DLC1: variants seen among roughly 807,000 people sequenced by gnomAD.
The protein encoded by DLC1 is rho GTPase-activating protein 7.
A neutral mutation model predicts 140.3 loss-of-function variants in DLC1; 54 were observed. The ratio of observed to expected loss-of-function variants is 0.38; its 90% CI spans 0.31 to 0.48. The LOEUF is 0.48. Ranked by LOEUF, DLC1 falls within the 20% of genes least tolerant of loss-of-function variation. DLC1 has a pLI of 0.96. For missense variants in DLC1, 2,536 were observed against 1,907.0 expected, an observed-to-expected ratio of 1.33 and a Z score of -6.14; for synonymous variants, 986 against 728.1, an observed-to-expected ratio of 1.35 and a Z score of -5.70.
chr8:13,408,928 A>G (rs1319100568), intron 2 of DLC1, among the ~76,000 whole-genome samples: 4 of 152,216 alleles, frequency 2.6e-5, no homozygotes, highest in Non-Finnish European at 5.9e-5. Context: ...GTTTTTAGGA[A>G]TATTATGATG....
intron 5 of DLC1, among the ~76,000 whole-genome samples, chr8:13,233,293 T>TA (rs71207134): frequency 0.016 from 1,151 of 70,196 alleles, 51 homozygotes; most frequent in Non-Finnish European, 0.017. Context: ...AGACTCTGTA[T>TA]AAAAAAAAAA....
At chr8:13,177,160 A>G (rs1373549236) in intron 5 of DLC1, among the ~76,000 whole-genome samples, 1 of 152,210 alleles carries the variant, frequency 6.6e-6, no homozygotes, top group Admixed American at 6.5e-5. Flanking sequence ...TTATGGGACA[A>G]TGATATACCA....
chr8:13,577,099 C>G (rs570782971), intron 1 of DLC1, among the ~76,000 whole-genome samples: 1 of 152,144 alleles, frequency 6.6e-6, no homozygotes, highest in South Asian at 2.1e-4. Context: ...CCATGGGGCA[C>G]CATTAATTCT....
intron 5 of DLC1, among the ~76,000 whole-genome samples, chr8:13,151,239 A>G (rs28672948): frequency 0.15 from 22,610 of 152,240 alleles, 1,802 homozygotes; most frequent in Non-Finnish European, 0.17. Flanking sequence ...CACTCTGTCA[A>G]TTTAATGAAT....
At chr8:13,507,261 A>G (rs1443841477) in intron 1 of DLC1, among the ~76,000 whole-genome samples, 1 of 152,166 alleles carries the variant, frequency 6.6e-6, no homozygotes, top group African/African-American at 2.4e-5. Context: ...TTTACGACCA[A>G]ACTGACTTGA....
Position 13,092,603 on chromosome 8 carries a change from A to T in DLC1, c.3740+9T>A. 6.2e-7 allele frequency: 1 copy of T among 1,613,674 alleles called. No homozygotes were observed. The highest frequency in any genetic ancestry group is 2.2e-5 in the East Asian group (1 of 44,868). ...CCCTGTGTGCATGCACCTCCCATGC[A>T]GCCCGTACCTGGGAGAGGAATTCTC... On this transcript the variant is annotated intron_variant, in intron 13 of 17. Coordinates refer to ENST00000276297, the MANE Select transcript of DLC1 (RefSeq NM_182643.3).
At chr8:13,306,583 TGA>T (rs58220489) in intron 4 of DLC1, among the ~76,000 whole-genome samples, 2,741 of 120,752 alleles carry the variant, frequency 0.023, 47 homozygotes, top group African/African-American at 0.058. Context: ...TGTGTGTGTG[TGA>T]GAGAGAGAGA....
chr8:13,347,467 G>A (rs1022971461), intron 4 of DLC1, among the ~76,000 whole-genome samples: 1 of 152,182 alleles, frequency 6.6e-6, no homozygotes. Flanking sequence ...CGGGGATGGG[G>A]CATGAGAGAG....
intron 5 of DLC1, among the ~76,000 whole-genome samples, chr8:13,239,661 C>T (rs1304804784): frequency 6.6e-6 from 1 of 152,142 alleles, no homozygotes; most frequent in Non-Finnish European, 1.5e-5. Context: ...CATACAGGGG[C>T]ACAGACCTCA....
Position 13,092,626 on chromosome 8 carries a change from C to G in DLC1, c.3726G>C (p.Glu1242Asp). 1 of 1,614,092 alleles carries G rather than the reference C, an allele frequency of 6.2e-7. No individual in the cohort carries two copies. The highest frequency in any genetic ancestry group is 8.5e-7 in the Non-Finnish European group (1 of 1,180,000). Reference protein sequence around the residue: ...SLFHLNTLKRENSSPRVMQRK... With the variant: ...SLFHLNTLKRDNSSPRVMQRK... ...GCAGCCCGTACCTGGGAGAGGAATT[C>G]TCTCTCTTCAGGGTGTTGAGATGGA... The change falls in exon 13 of 18, where the codon GAG becomes GAC. Residue 1242 changes from glutamate (E) to aspartate (D), a missense_variant. Physicochemically the swap from Glu to Asp is conservative, Grantham distance 45. Transcript: ENST00000276297.
chr8:13,213,809 G>T (rs1457827911), intron 5 of DLC1, among the ~76,000 whole-genome samples: 4 of 151,164 alleles, frequency 2.6e-5, no homozygotes, highest in Admixed American at 6.6e-5. Flanking sequence ...TTGGAGACAG[G>T]GTCTCCCTCT....
chr8:13,401,715 G>T, intron 2 of DLC1, 96 bp from the exon 3 acceptor site: 2 of 1,437,450 alleles, frequency 1.4e-6, no homozygotes, highest in Non-Finnish European at 9.3e-7. Flanking sequence ...AAGTACACTG[G>T]ATAATAGGCA....
At chr8:13,167,499 C>A (rs939683279) in intron 5 of DLC1, among the ~76,000 whole-genome samples, 10 of 152,126 alleles carry the variant, frequency 6.6e-5, no homozygotes, top group African/African-American at 1.4e-4. Flanking sequence ...AGTGGGGAAA[C>A]CTCGGTATTT....
chr8:13,459,551 G>A (rs1235811215), intron 2 of DLC1, among the ~76,000 whole-genome samples: 2 of 152,072 alleles, frequency 1.3e-5, no homozygotes, highest in Non-Finnish European at 2.9e-5. Flanking sequence ...TCTGTTCATT[G>A]GAACTGCGCT....
At chr8:13,181,390 G>A (rs139702515) in intron 5 of DLC1, among the ~76,000 whole-genome samples, 2,354 of 149,848 alleles carry the variant, frequency 0.016, 68 homozygotes, top group African/African-American at 0.054. Context: ...ACAACGTGTA[G>A]GTTTGATACA....
chr8:13,371,894 C>G (rs1184780075), intron 4 of DLC1, among the ~76,000 whole-genome samples: 2 of 151,932 alleles, frequency 1.3e-5, no homozygotes, highest in Non-Finnish European at 2.9e-5. Flanking sequence ...AATGTACAGA[C>G]CAGAAGGTAA....
intron 5 of DLC1, among the ~76,000 whole-genome samples, chr8:13,122,200 G>A (rs73554485): frequency 1.2e-4 from 18 of 152,096 alleles, no homozygotes; most frequent in African/African-American, 2.4e-4. Flanking sequence ...ACTTTCCACC[G>A]CCTTTCAAAT....
At chr8:13,595,045 A>G (rs1805639457) in intron 1 of DLC1, among the ~76,000 whole-genome samples, 1 of 151,950 alleles carries the variant, frequency 6.6e-6, no homozygotes, top group South Asian at 2.1e-4. Context: ...ACTAGCCTGG[A>G]TCACACACCG....
intron 5 of DLC1, chr8:13,276,403 G>C (rs1343705458): frequency 1.4e-6 from 2 of 1,477,970 alleles, no homozygotes; most frequent in Non-Finnish European, 1.8e-6. Context: ...TCCCCCATCC[G>C]CTCGCAGACG....
Sources: gnomAD v4.1 joint callset for allele counts (sites outside exome capture counted in the v4.1 genomes callset) on GRCh38, gnomAD v4.1.1 for gene constraint, MANE v1.5 for transcripts, NCBI Gene and HGNC (gene_info 2026-07-23, HGNC 2026-07-21) for gene names.